Variants in BID observed in about 807,000 individuals in gnomAD.
BID encodes BH3-interacting domain death agonist.
A neutral mutation model predicts 17.4 loss-of-function variants in BID; 19 were observed. That is an observed-to-expected ratio of 1.09 (90% CI 0.76 to 1.60). The LOEUF (loss-of-function observed/expected upper bound fraction) is 1.60. BID is among the 40% of genes most tolerant of loss of function. The probability of loss-of-function intolerance (pLI) is 0.00; values close to 1 mark genes in which losing one functional copy is unlikely to be tolerated. For missense variants in BID, 226 were observed against 256.0 expected (o/e 0.88, Z 0.80); for synonymous variants, 108 against 102.8 (o/e 1.05, Z -0.31).
chr22:17,759,927 T>C (rs909414934), intron 1 of BID, among the ~76,000 whole-genome samples: 5 of 150,210 alleles, frequency 3.3e-5, no homozygotes, highest in Admixed American at 2.0e-4. Context: ...TGGATCACGA[T>C]GTCAGGAGAT....
chr22:17,757,198 T>G (rs550504578), intron 1 of BID, among the ~76,000 whole-genome samples: 17 of 150,834 alleles, frequency 1.1e-4, no homozygotes, highest in Non-Finnish European at 2.1e-4. Flanking sequence ...GCTGATCACC[T>G]GAGCCCAGGA....
At position 17,752,314 on chromosome 22, in the gene BID, C is replaced by T. The variant is rs913850071; in HGVS notation, c.-58-2140G>A. Among the ~76,000 whole-genome samples, 19 of 152,278 alleles carry T rather than the reference C, an allele frequency of 1.2e-4. No individual in the cohort carries two copies. In the East Asian group the frequency reaches 2.1e-3, roughly 17 times the overall value. ...TGGGGGGTGTGCTCCTGGCACGTAGCGGGTAGCAGTGGGGGCACGGCTCAT... is the reference window on the plus strand; with the variant it reads ...TGGGGGGTGTGCTCCTGGCACGTAGTGGGTAGCAGTGGGGGCACGGCTCAT... On this transcript the variant is annotated intron_variant, in intron 1 of 5. Coordinates refer to ENST00000622694, the MANE Select transcript of BID (RefSeq NM_001196.4).
chr22:17,740,352 T>G (rs560849451), intron 3 of BID: 1 of 628,154 alleles, frequency 1.6e-6, no homozygotes, highest in South Asian at 1.8e-5. Context: ...GGACAGAAGA[T>G]TGCTTAAGGC....
Position 17,750,072 on chromosome 22 carries a change from C to G in BID, c.12+33G>C, listed in dbSNP as rs1447468478. ...GCCCTTACCCCTCGACCCCGCCCCC[C>G]ACAAGGCACCCGCAGGGGATCTGGC... On this transcript the variant is annotated intron_variant, in intron 2 of 5. Coordinates refer to ENST00000622694, the MANE Select transcript of BID (RefSeq NM_001196.4). The G allele has an allele frequency of 1.6e-5, 25 of 1,607,544 alleles. No homozygotes were observed. In the Middle Eastern group the frequency reaches 5.4e-4, roughly 35 times the overall value.
At position 17,769,279 on chromosome 22, in the gene BID, G is replaced by T. The variant is rs2061702173; in HGVS notation, c.-59+5102C>A. Among the ~76,000 whole-genome samples, 1 of 152,238 alleles carries T rather than the reference G, an allele frequency of 6.6e-6. No homozygotes were observed. The highest frequency in any genetic ancestry group is 1.5e-5 in the Non-Finnish European group (1 of 68,048). ...CCCAGGAGCGGCTGGCTGCTGGTGTGAGTACACGGGTGACCCTTCCACAAA... is the reference window on the plus strand; with the variant it reads ...CCCAGGAGCGGCTGGCTGCTGGTGTTAGTACACGGGTGACCCTTCCACAAA... On this transcript the variant is annotated intron_variant, in intron 1 of 5. Transcript: ENST00000622694. This position sits in a 1 kb window ranked among gnomAD's most constrained non-coding sequence, Gnocchi z 4.8.
intron 2 of BID, among the ~76,000 whole-genome samples, chr22:17,746,956 C>CT (rs1034672649): frequency 7.9e-5 from 12 of 152,334 alleles, no homozygotes; most frequent in South Asian, 4.1e-4. Flanking sequence ...CCAAGGACTT[C>CT]TTTTTGACCT....
At chr22:17,738,289 C>T (rs1277964131) in intron 4 of BID, 60 bp from the exon 5 acceptor site, 3 of 1,488,390 alleles carry the variant, frequency 2.0e-6, no homozygotes, top group Admixed American at 3.5e-5. Context: ...AAAGGAAAGA[C>T]AGTCCCCAGT....
intron 1 of BID, among the ~76,000 whole-genome samples, chr22:17,768,173 G>A (rs2061692117): frequency 6.6e-6 from 1 of 152,250 alleles, no homozygotes. Context: ...TGTTCTGCCT[G>A]TAGGCGGTGG....
intron 2 of BID, among the ~76,000 whole-genome samples, chr22:17,746,815 G>A (rs1433472292): frequency 5.9e-5 from 9 of 152,140 alleles, no homozygotes; most frequent in Non-Finnish European, 1.3e-4. Context: ...GAAGGAAGCA[G>A]CCGGGCAACA....
intron 1 of BID, among the ~76,000 whole-genome samples, chr22:17,754,808 A>G (rs2061569283): frequency 6.6e-6 from 1 of 152,162 alleles, no homozygotes; most frequent in African/African-American, 2.4e-5. Context: ...TGTGTAACCC[A>G]GGCTGGAGTA....
intron 3 of BID, among the ~76,000 whole-genome samples, chr22:17,743,314 G>T (rs1227296431): frequency 6.6e-6 from 1 of 152,232 alleles, no homozygotes. Context: ...CCACCTGGGG[G>T]CTTTGCCCAG....
chr22:17,762,267 C>T (rs370519861), intron 1 of BID, among the ~76,000 whole-genome samples: 69 of 152,248 alleles, frequency 4.5e-4, no homozygotes, highest in Middle Eastern at 3.4e-3. Context: ...GAGGCCGAGG[C>T]GGGTGGATCA....
Position 17,735,334 on chromosome 22 carries a change from TGTGTG to T in BID, c.*241_*245del. ...GTAGATTTACAGATGTGCAGATTCA[TGTGTG>T]GATGATATGAAGGCCATTCAAATAC... On this transcript the variant is annotated 3_prime_UTR_variant, in exon 6 of 6. Transcript: ENST00000622694. 1.3e-5 allele frequency: 7 copies of T among 524,932 alleles called. No homozygotes were observed. Among genetic ancestry groups the T allele is most frequent in the South Asian group, 5.0e-5 (2 of 39,636 alleles). 32.5% of individuals were successfully genotyped at this position (524,932 alleles called of 1,614,324 possible).
chr22:17,737,193 C>T (rs2145870670), intron 5 of BID, among the ~76,000 whole-genome samples: 1 of 152,072 alleles, frequency 6.6e-6, no homozygotes, highest in South Asian at 2.1e-4. Context: ...CAAGCAATCC[C>T]ACTGCTTCTG....
At chr22:17,751,765 G>A (rs1035982307) in intron 1 of BID, among the ~76,000 whole-genome samples, 1 of 152,214 alleles carries the variant, frequency 6.6e-6, no homozygotes, top group African/African-American at 2.4e-5. Flanking sequence ...GGCTGTGTGT[G>A]GCCGTGCATT....
chr22:17,743,685 A>G, intron 3 of BID, 118 bp downstream of exon 3: 1 of 1,037,568 alleles, frequency 9.6e-7, no homozygotes, highest in South Asian at 1.6e-5. Context: ...CGTACGTGGC[A>G]GCTGAAACTG....
intron 1 of BID, among the ~76,000 whole-genome samples, chr22:17,768,344 C>A (rs2061693322): frequency 6.6e-6 from 1 of 152,246 alleles, no homozygotes; most frequent in Admixed American, 6.5e-5. Context: ...ACTGGGGCCC[C>A]CTCCCAGAGG....
intron 1 of BID, among the ~76,000 whole-genome samples, chr22:17,772,171 C>T (rs2061726225): frequency 6.6e-6 from 1 of 152,208 alleles, no homozygotes; most frequent in African/African-American, 2.4e-5. Context: ...GAGCGTCCGG[C>T]ACACAGGTGC....
chr22:17,747,066 C>T (rs747894304), intron 2 of BID, among the ~76,000 whole-genome samples: 2 of 152,130 alleles, frequency 1.3e-5, no homozygotes, highest in Non-Finnish European at 2.9e-5. Flanking sequence ...AATAAAGACT[C>T]GAGGCGGCAG....
Sources: gnomAD v4.1 joint callset for allele counts (sites outside exome capture counted in the v4.1 genomes callset) on GRCh38, gnomAD v4.1.1 for gene constraint, Gnocchi (gnomAD v3.1) non-coding constraint, MANE v1.5 for transcripts, NCBI Gene and HGNC (gene_info 2026-07-23, HGNC 2026-07-21) for gene names.